TTF2: variants seen among roughly 807,000 people sequenced by gnomAD.
TTF2 encodes the protein RNA polymerase II termination factor.
Under a neutral mutation model 142.4 loss-of-function variants are expected in TTF2, and 108 were observed. That is an observed-to-expected ratio of 0.76 (90% confidence interval 0.65 to 0.89). The LOEUF (loss-of-function observed/expected upper bound fraction) is 0.89. TTF2 is among the 40% of genes least tolerant of loss of function. TTF2 has a pLI of 0.00. For missense variants in TTF2, 1,327 were observed against 1,379.8 expected (o/e 0.96, Z 0.61); for synonymous variants, 483 against 506.2 (o/e 0.95, Z 0.61).
chr1:117,095,029 C>G (rs1241332865), intron 18 of TTF2, among the ~76,000 whole-genome samples: 1 of 152,136 alleles, frequency 6.6e-6, no homozygotes, highest in Non-Finnish European at 1.5e-5. Flanking sequence ...GAAACGAACC[C>G]AGAGAAGCAG....
rs114521470 is a variant in TTF2 at position 117,103,304 on chromosome 1, A to G, written c.*1780A>G. On this transcript the variant is annotated 3_prime_UTR_variant, in exon 23 of 23. Coordinates refer to ENST00000369466, the MANE Select transcript of TTF2 (RefSeq NM_003594.4). Reference sequence around the variant, plus strand: ...CTACTGAGATTTCTGTGTTGTTTACATAGCAGTTTGTACCCTAAACAAACA... The same window carrying G: ...CTACTGAGATTTCTGTGTTGTTTACGTAGCAGTTTGTACCCTAAACAAACA... 5 of 152,288 alleles carry G rather than the reference A, an allele frequency of 3.3e-5. No individual in the cohort carries two copies. The highest frequency in any genetic ancestry group is 2.1e-4 in the South Asian group (1 of 4,818). The allele number at this position is 152,288 out of a possible 1,614,324, so 9.4% of individuals were successfully genotyped here. A position where few individuals can be genotyped will look rare whatever the true frequency, so the allele number is the denominator to read the frequency against.
chr1:117,066,535 G>A (rs889429162), intron 3 of TTF2, among the ~76,000 whole-genome samples: 42 of 152,048 alleles, frequency 2.8e-4, no homozygotes, highest in African/African-American at 3.1e-4. Flanking sequence ...TGATGGCCTC[G>A]GTCTGGTGTT....
rs768559678 is a variant in TTF2, at chr1:117,097,561, T to C, written c.3269+128T>C. On this transcript the variant is annotated intron_variant, in intron 21 of 22. Coordinates refer to ENST00000369466, the MANE Select transcript of TTF2 (RefSeq NM_003594.4). The surrounding 1 kb of genome is among the most constrained non-coding windows in gnomAD (Gnocchi z 4.1). Reference sequence around the variant, plus strand: ...TATTGCAGAGATGCCTTGCTTTGTATGTGTCTATAGATACAGATCTAAGCA... The same window carrying C: ...TATTGCAGAGATGCCTTGCTTTGTACGTGTCTATAGATACAGATCTAAGCA... 5.8e-6 allele frequency: 5 copies of C among 868,382 alleles called. No individual in the cohort carries two copies. In the Admixed American group the frequency reaches 7.2e-5, roughly 13 times the overall value. 53.8% of individuals were successfully genotyped at this position (868,382 alleles called of 1,614,324 possible).
rs980836312 is a variant in TTF2 at position 117,074,963 on chromosome 1, A to T, written c.379A>T (p.Lys127Ter). 1.9e-6 allele frequency: 3 copies of T among 1,614,086 alleles called. No individual in the cohort carries two copies. The Admixed American group carries it at 5.0e-5, about 27-fold the overall frequency. ...HSSNWLRNPFKVLDKNQEPAL... is the reference protein window; with the variant it reads ...HSSNWLRNPF ...TTCCAACTGGCTGAGAAATCCATTCAAGGTACTTGACAAGAATCAAGAACC... is the reference window on the plus strand; with the variant it reads ...TTCCAACTGGCTGAGAAATCCATTCTAGGTACTTGACAAGAATCAAGAACC... Residue 127 changes from lysine to a stop codon, truncating the protein, a stop_gained, in exon 5 of 23, where the codon AAG (lysine) becomes TAG (stop). Coordinates refer to ENST00000369466, the MANE Select transcript of TTF2 (RefSeq NM_003594.4). LOFTEE classifies it high-confidence loss of function.
Position 117,063,115 on chromosome 1 carries a change from A to G in TTF2, c.218+642A>G, listed in dbSNP as rs1321874287. ...CCAGGAAGGTAGGGGTCAGGATGTG[A>G]TAGATGGTCTTTGTGTGATATTCTA... On this transcript the variant is annotated intron_variant, in intron 3 of 22. Transcript: ENST00000369466. This position sits in a 1 kb window ranked among gnomAD's most constrained non-coding sequence, Gnocchi z 4.1. Among the ~76,000 whole-genome samples, 1 of 152,178 alleles carries G rather than the reference A, an allele frequency of 6.6e-6. No individual in the cohort carries two copies. The highest frequency in any genetic ancestry group is 1.5e-5 in the Non-Finnish European group (1 of 68,034).
At chr1:117,066,716 TTTA>T (rs1656166513) in intron 3 of TTF2, among the ~76,000 whole-genome samples, 1 of 149,668 alleles carries the variant, frequency 6.7e-6, no homozygotes, top group South Asian at 2.1e-4. Context: ...TTTTTTTTTT[TTTA>T]AAAGACAGAG....
At chr1:117,068,502 C>A (rs1656328182) in intron 3 of TTF2, among the ~76,000 whole-genome samples, 1 of 150,562 alleles carries the variant, frequency 6.6e-6, no homozygotes, top group Non-Finnish European at 1.5e-5. Context: ...GTGTAACAAA[C>A]CTGCACATTG....
rs1204808137 is a variant in TTF2 at position 117,086,359 on chromosome 1, C to G, written c.2055-58C>G. 9.5e-6 allele frequency: 12 copies of G among 1,262,676 alleles called. No individual in the cohort carries two copies. The highest frequency in any genetic ancestry group is 4.4e-5 in the African/African-American group (3 of 67,778). 78.2% of individuals were successfully genotyped at this position (1,262,676 alleles called of 1,614,324 possible). A position where few individuals can be genotyped will look rare whatever the true frequency, so the allele number is the denominator to read the frequency against. ...TTTTATTGAAAGATCAACTCTGCCT[C>G]TCTCATTGTCCCTCTATAGTGGGAC... On this transcript the variant is annotated intron_variant, in intron 11 of 22. Transcript: ENST00000369466. The surrounding 1 kb of genome is among the most constrained non-coding windows in gnomAD (Gnocchi z 4.2).
chr1:117,095,135 G>A (rs1426051075), intron 18 of TTF2, among the ~76,000 whole-genome samples, 174 bp from the exon 19 acceptor site: 1 of 152,216 alleles, frequency 6.6e-6, no homozygotes, highest in African/African-American at 2.4e-5. Flanking sequence ...GAGGGGTGAA[G>A]TGACAAACTC....
intron 3 of TTF2, among the ~76,000 whole-genome samples, chr1:117,072,448 C>CAA (rs1557805636): frequency 9.3e-6 from 1 of 106,990 alleles, no homozygotes; most frequent in Non-Finnish European, 1.7e-5. Flanking sequence ...TTTTTTGAGA[C>CAA]AGAGTCTCAC....
chr1:117,094,163 C>T (rs1648874700), intron 18 of TTF2, among the ~76,000 whole-genome samples: 1 of 152,192 alleles, frequency 6.6e-6, no homozygotes, highest in Non-Finnish European at 1.5e-5. Context: ...TGGAAAGCAG[C>T]CCCATGTGGT....
At chr1:117,071,303 T>C (rs577644551) in intron 3 of TTF2, among the ~76,000 whole-genome samples, 1 of 147,146 alleles carries the variant, frequency 6.8e-6, no homozygotes, top group South Asian at 2.2e-4. Context: ...TCCCATACAG[T>C]GGAAAACCAC....
In TTF2 at chr1:117,076,686, T is replaced by C. The variant is rs773594881; in HGVS notation, c.1436T>C (p.Phe479Ser). ...AGTCAAGTACCACAGCAGAGTCACT[T>C]CACCAAAACTACCACTGGCCCTCCC... ...SNSQVPQQSH[F>S]TKTTTGPPHL... The change falls in exon 7 of 23, where the codon TTC becomes TCC. Residue 479 changes from phenylalanine to serine, a missense_variant. Transcript: ENST00000369466. This position sits in a 1 kb window ranked among gnomAD's most constrained non-coding sequence, Gnocchi z 4.6. 5.6e-6 allele frequency: 9 copies of C among 1,613,942 alleles called. No homozygotes were observed. The East Asian group carries it at 1.6e-4, about 28-fold the overall frequency.
Position 117,076,817 on chromosome 1 carries a change from T to A in TTF2, c.1567T>A (p.Tyr523Asn), listed in dbSNP as rs995853112. ...GACTGCTGGAGGATCCAGTCAGTGC[T>A]ATCGAGGTAAGACCCAAGGGCCTGA... is the stretch of plus-strand genomic sequence containing the variant. The part of the protein sequence containing the change: ...QVTAGGSSQC[Y>N]RGHTNQDHVH... Residue 523 changes from tyrosine to asparagine, a missense_variant, in exon 7 of 23, where the codon TAT becomes AAT. Tyr to Asn is a moderately radical substitution (Grantham distance 143, BLOSUM62 -2). Transcript: ENST00000369466. This position sits in a 1 kb window ranked among gnomAD's most constrained non-coding sequence, Gnocchi z 4.6. 1.4e-5 allele frequency: 22 copies of A among 1,611,962 alleles called. No individual in the cohort carries two copies. The African/African-American group carries it at 2.5e-4, about 19-fold the overall frequency.
At chr1:117,078,137 C>T (rs1283385528) in intron 8 of TTF2, 94 bp downstream of exon 8, 1 of 1,493,236 alleles carries the variant, frequency 6.7e-7, no homozygotes, top group African/African-American at 1.4e-5. Context: ...AGATACCTTT[C>T]CTACAGACAG....
Position 117,090,038 on chromosome 1 carries a change from C to A in TTF2, c.2343-17C>A. On this transcript the variant is annotated splice_polypyrimidine_tract_variant and intron_variant, in intron 13 of 22. Transcript: ENST00000369466. This position sits in a 1 kb window ranked among gnomAD's most constrained non-coding sequence, Gnocchi z 4.8. The stretch of plus-strand genomic sequence containing the variant: ...TTTTCCTTCCCTACTCTGTGCCCTT[C>A]TTCCTCAACAAAAAAGGTTTCTCCG... 6.2e-7 allele frequency: 1 copy of A among 1,610,926 alleles called. No individual in the cohort carries two copies. Among genetic ancestry groups the A allele is most frequent in the South Asian group, 1.1e-5 (1 of 90,486 alleles).
chr1:117,107,179 C>G lies in TTF2; in HGVS notation c.*5655C>G, dbSNP rs546129728. The G allele has an allele frequency of 2.6e-5, 4 of 152,128 alleles. No individual in the cohort carries two copies. Among genetic ancestry groups the G allele is most frequent in the Non-Finnish European group, 5.9e-5 (4 of 68,036 alleles). 9.4% of individuals were successfully genotyped at this position (152,128 alleles called of 1,614,324 possible). On this transcript the variant is annotated 3_prime_UTR_variant, in exon 23 of 23. Coordinates refer to ENST00000369466, the MANE Select transcript of TTF2 (RefSeq NM_003594.4). ...GGGCTCTGTTGATCACTGACTCTGCCAGGTCTTTCAGCAGGCAAGACAGCT... is the reference window on the plus strand; with the variant it reads ...GGGCTCTGTTGATCACTGACTCTGCGAGGTCTTTCAGCAGGCAAGACAGCT...
rs61151815 is a variant in TTF2, at chr1:117,100,440, G to T, written c.3345-940G>T. On this transcript the variant is annotated intron_variant, in intron 22 of 22. Transcript: ENST00000369466. This position sits in a 1 kb window ranked among gnomAD's most constrained non-coding sequence, Gnocchi z 4.6. Reference sequence around the variant, plus strand: ...AGGGCTCTTCCTAGCTAATCCATCTGATTGTGTCATCCACTTCTCATATTC... The same window carrying T: ...AGGGCTCTTCCTAGCTAATCCATCTTATTGTGTCATCCACTTCTCATATTC... 3.4e-3 allele frequency among the ~76,000 whole-genome samples: 512 copies of T among 152,200 alleles called. 3 individuals are homozygous for T. Among genetic ancestry groups the T allele is most frequent in the African/African-American group, 0.012 (494 of 41,520 alleles).
Position 117,090,188 on chromosome 1 carries a change from G to A in TTF2, c.2476G>A (p.Asp826Asn). The change falls in exon 14 of 23, where the codon GAC becomes AAC. Residue 826 changes from aspartate to asparagine, a missense_variant. Transcript: ENST00000369466. This position sits in a 1 kb window ranked among gnomAD's most constrained non-coding sequence, Gnocchi z 4.8. ...GCTGAGGAGAACAAAAGACCAGCTG[G>A]ACTCTACTGGCAGACCTTTGGTAAT... ...LLLRRTKDQL[D>N]STGRPLVILP... 1.2e-6 allele frequency: 2 copies of A among 1,614,014 alleles called. No individual in the cohort carries two copies. Among genetic ancestry groups the A allele is most frequent in the Non-Finnish European group, 1.7e-6 (2 of 1,179,960 alleles).
Sources: gnomAD v4.1 joint callset for allele counts (sites outside exome capture counted in the v4.1 genomes callset) on GRCh38, gnomAD v4.1.1 for gene constraint, Gnocchi (gnomAD v3.1) non-coding constraint, MANE v1.5 for transcripts, NCBI Gene and HGNC (gene_info 2026-07-23, HGNC 2026-07-21) for gene names.